EYS: variants seen among roughly 807,000 people sequenced by gnomAD.
EYS encodes EGF-like photoreceptor maintenance factor.
In EYS, 250 loss-of-function variants were observed where a neutral mutation model predicts 282.1. The observed-to-expected ratio is 0.89, with a 90% confidence interval of 0.80 to 0.98. The LOEUF is 0.98. Ranked by LOEUF, EYS falls within the 50% of genes least tolerant of loss-of-function variation. EYS has a pLI of 0.00. For missense variants in EYS, 4,016 were observed against 3,709.0 expected, an observed-to-expected ratio of 1.08 and a Z score of -2.15; for synonymous variants, 1,355 against 1,282.9, an observed-to-expected ratio of 1.06 and a Z score of -1.20.
At chr6:65,140,782 C>A (rs1368525847) in intron 12 of EYS, among the ~76,000 whole-genome samples, 2 of 151,706 alleles carry the variant, frequency 1.3e-5, no homozygotes, top group East Asian at 3.9e-4. Flanking sequence ...CAAATCAAAA[C>A]CACAATGAGA....
rs529664273 is a variant in EYS at position 64,436,352 on chromosome 6, A to G, written c.5836-87T>C. ...TTGCACTGGACTTTATTATTTATCA[A>G]TATATTTTACATCACTTTGGAGAGA... On this transcript the variant is annotated intron_variant, in intron 27 of 42. Transcript: ENST00000503581. 5.7e-6 allele frequency: 4 copies of G among 700,134 alleles called. No homozygotes were observed. The East Asian group carries it at 8.2e-5, about 14-fold the overall frequency. The allele number at this position is 700,134 out of a possible 1,614,324, so 43.4% of individuals were successfully genotyped here.
intron 41 of EYS, among the ~76,000 whole-genome samples, chr6:63,758,416 T>G (rs1769548170): frequency 6.6e-6 from 1 of 152,120 alleles, no homozygotes; most frequent in Non-Finnish European, 1.5e-5. Context: ...TATGTGAACA[T>G]GGCCTGCATT....
intron 26 of EYS, among the ~76,000 whole-genome samples, chr6:64,552,594 C>T (rs1347001854): frequency 6.6e-6 from 1 of 152,114 alleles, no homozygotes; most frequent in Non-Finnish European, 1.5e-5. Flanking sequence ...TTTAGATGCA[C>T]TCTTTCAACT....
chr6:65,070,100 C>G (rs1430946063), intron 12 of EYS, among the ~76,000 whole-genome samples: 1 of 151,812 alleles, frequency 6.6e-6, no homozygotes, highest in African/African-American at 2.4e-5. Flanking sequence ...ATAATAAATC[C>G]ACTCTTCCTT....
At chr6:65,010,588 C>T (rs1386718736) in intron 13 of EYS, among the ~76,000 whole-genome samples, 1 of 152,180 alleles carries the variant, frequency 6.6e-6, no homozygotes, top group Admixed American at 6.5e-5. Context: ...ATGGAAGTTC[C>T]TTTGTAGAAA....
chr6:65,264,582 T>C (rs923190642), intron 12 of EYS, among the ~76,000 whole-genome samples: 2 of 152,018 alleles, frequency 1.3e-5, no homozygotes, highest in Non-Finnish European at 2.9e-5. Context: ...ACTGTTTAGT[T>C]GTTGTTAGTG....
At chr6:64,565,965 A>AC (rs1765555346) in intron 26 of EYS, among the ~76,000 whole-genome samples, 1 of 151,514 alleles carries the variant, frequency 6.6e-6, no homozygotes, top group African/African-American at 2.4e-5. Context: ...TAAAAAAAAA[A>AC]AAAACACCAA....
intron 31 of EYS, among the ~76,000 whole-genome samples, chr6:64,223,591 GTTTAC>G (rs942838219): frequency 1.3e-5 from 2 of 151,980 alleles, no homozygotes; most frequent in African/African-American, 4.8e-5. Flanking sequence ...TTAACTAGTA[GTTTAC>G]TTAAGTTACT....
At chr6:63,903,597 C>A (rs1394972147) in intron 35 of EYS, among the ~76,000 whole-genome samples, 2 of 152,202 alleles carry the variant, frequency 1.3e-5, no homozygotes, top group Admixed American at 1.3e-4. Flanking sequence ...ACTTCTCCTT[C>A]CCTTTACCCT....
At chr6:65,237,329 G>C (rs1177986714) in intron 12 of EYS, among the ~76,000 whole-genome samples, 1 of 152,066 alleles carries the variant, frequency 6.6e-6, no homozygotes, top group Non-Finnish European at 1.5e-5. Context: ...GAACTACAAA[G>C]TATAAGGAAT....
At chr6:63,754,291 C>T (rs775246248) in intron 41 of EYS, among the ~76,000 whole-genome samples, 19 of 151,982 alleles carry the variant, frequency 1.3e-4, no homozygotes, top group Non-Finnish European at 2.6e-4. Context: ...TTGCTGCACC[C>T]ATCTACTTGT....
chr6:65,572,657 A>ATG (rs1324519898), intron 2 of EYS, among the ~76,000 whole-genome samples: 1 of 152,150 alleles, frequency 6.6e-6, no homozygotes, highest in African/African-American at 2.4e-5. Flanking sequence ...TAGTCTAGGT[A>ATG]TGTAGTAGTC....
At chr6:65,333,390 G>C (rs1562101784) in intron 11 of EYS, among the ~76,000 whole-genome samples, 1 of 150,894 alleles carries the variant, frequency 6.6e-6, no homozygotes, top group Non-Finnish European at 1.5e-5. Flanking sequence ...ATTTTGGTCA[G>C]ATAATGTCCT....
intron 14 of EYS, among the ~76,000 whole-genome samples, chr6:64,951,040 T>A (rs1322766702): frequency 6.6e-6 from 1 of 151,268 alleles, no homozygotes; most frequent in Non-Finnish European, 1.5e-5. Context: ...AAGAAAACAC[T>A]AGCATTCAGC....
intron 35 of EYS, among the ~76,000 whole-genome samples, chr6:63,887,493 C>T (rs1773293785): frequency 1.3e-5 from 2 of 151,876 alleles, no homozygotes; most frequent in Admixed American, 6.6e-5. Flanking sequence ...ACAATGGGTA[C>T]AGCCCACAGA....
intron 5 of EYS, among the ~76,000 whole-genome samples, chr6:65,439,489 TG>T (rs1485046030): frequency 2.0e-5 from 3 of 152,182 alleles, no homozygotes; most frequent in African/African-American, 7.2e-5. Context: ...GAGCATGGAA[TG>T]TTCTTCCATT....
At chr6:64,347,894 C>G (rs1440606891) in intron 29 of EYS, among the ~76,000 whole-genome samples, 1 of 151,290 alleles carries the variant, frequency 6.6e-6, no homozygotes, top group East Asian at 2.0e-4. Context: ...AAAAATTCAC[C>G]TTATTTCTGG....
intron 28 of EYS, among the ~76,000 whole-genome samples, chr6:64,420,543 AT>A: frequency 6.6e-6 from 1 of 152,186 alleles, no homozygotes; most frequent in East Asian, 1.9e-4. Context: ...AACTGCCAAG[AT>A]TTGGAGCTTA....
chr6:64,448,700 A>G (rs973749773), intron 26 of EYS, among the ~76,000 whole-genome samples: 10 of 152,180 alleles, frequency 6.6e-5, no homozygotes, highest in African/African-American at 2.4e-4. Context: ...CGGTTCACCA[A>G]TATCCGCTGT....
Sources: gnomAD v4.1 joint callset for allele counts (sites outside exome capture counted in the v4.1 genomes callset) on GRCh38, gnomAD v4.1.1 for gene constraint, MANE v1.5 for transcripts, NCBI Gene and HGNC (gene_info 2026-07-23, HGNC 2026-07-21) for gene names.